The following LIPN variants were observed in gnomAD, a reference collection of about 807,000 sequenced individuals.
LIPN encodes lipase member N.
A neutral mutation model predicts 43.7 loss-of-function variants in LIPN; 32 were observed. That is an observed-to-expected ratio of 0.73 (90% CI 0.55 to 0.98). The LOEUF (loss-of-function observed/expected upper bound fraction) is 0.98. Among genes scored for constraint, LIPN ranks in the 50% least tolerant of loss-of-function variants. The probability of loss-of-function intolerance (pLI) is 0.00; values close to 1 mark genes in which losing one functional copy is unlikely to be tolerated. For missense variants in LIPN, 505 were observed against 483.8 expected, an observed-to-expected ratio of 1.04 and a Z score of -0.41; for synonymous variants, 156 against 157.6, an observed-to-expected ratio of 0.99 and a Z score of 0.08.
intron 5 of LIPN, among the ~76,000 whole-genome samples, chr10:88,768,391 C>T (rs1226961306): frequency 6.6e-6 from 1 of 151,886 alleles, no homozygotes; most frequent in Non-Finnish European, 1.5e-5. Context: ...AATCAATTCA[C>T]CTCCTGTGAC....
In LIPN at chr10:88,778,923, C is replaced by T. The variant is rs766713056; in HGVS notation, c.*681C>T. Among the ~76,000 whole-genome samples, 4 of 152,112 alleles carry T rather than the reference C, an allele frequency of 2.6e-5. No homozygotes were observed. The highest frequency in any genetic ancestry group is 4.4e-5 in the Non-Finnish European group (3 of 67,998). Reference sequence around the variant, plus strand: ...ATATCATTTTATAATCATAGGGAGGCTTCTTTGTTTAGCATGTAATGCCCC... The same window carrying T: ...ATATCATTTTATAATCATAGGGAGGTTTCTTTGTTTAGCATGTAATGCCCC... On this transcript the variant is annotated 3_prime_UTR_variant, in exon 10 of 10. Transcript: ENST00000404459.
chr10:88,761,839 A>T (rs192287545), intron 2 of LIPN, among the ~76,000 whole-genome samples: 2 of 151,858 alleles, frequency 1.3e-5, no homozygotes, highest in African/African-American at 4.8e-5. Context: ...TGTTTTAAGA[A>T]TATCAAGCTA....
intron 9 of LIPN, 61 bp downstream of exon 9, chr10:88,775,224 T>C: frequency 8.0e-7 from 1 of 1,253,798 alleles, no homozygotes. Flanking sequence ...AAAAATTATT[T>C]GAGGGTGGAA....
chr10:88,764,365 C>T (rs1843052802), intron 3 of LIPN, 45 bp from the exon 4 acceptor site: 1 of 1,441,446 alleles, frequency 6.9e-7, no homozygotes, highest in Non-Finnish European at 9.6e-7. Flanking sequence ...TTCTCTCTCT[C>T]TCTTTCTCTT....
At chr10:88,762,012 T>C (rs968824533) in intron 2 of LIPN, among the ~76,000 whole-genome samples, 176 bp from the exon 3 acceptor site, 27 of 152,100 alleles carry the variant, frequency 1.8e-4, no homozygotes, top group African/African-American at 6.5e-4. Flanking sequence ...CAATAGTAGA[T>C]ATTTTTTAAA....
chr10:88,762,082 A>C (rs1843010348), intron 2 of LIPN, 106 bp from the exon 3 acceptor site: 1 of 524,176 alleles, frequency 1.9e-6, no homozygotes. Flanking sequence ...TGGTGCTACA[A>C]ATTTCAGATA....
chr10:88,758,213 A>G (rs796681302), upstream of LIPN, among the ~76,000 whole-genome samples: 10 of 152,216 alleles, frequency 6.6e-5, 1 homozygote, highest in African/African-American at 2.4e-4. Context: ...ATGTTCAACC[A>G]TGTGTGTTCC....
chr10:88,758,437 G>A (rs1842953587), upstream of LIPN, among the ~76,000 whole-genome samples: 1 of 150,120 alleles, frequency 6.7e-6, no homozygotes, highest in Non-Finnish European at 1.5e-5. Context: ...CAGGGCCAAG[G>A]AACAAGTTTT....
At chr10:88,775,010 A>G (rs1177177225) in intron 8 of LIPN, 82 bp from the exon 9 acceptor site, 3 of 885,290 alleles carry the variant, frequency 3.4e-6, no homozygotes, top group Non-Finnish European at 5.4e-6. Context: ...TCGTCCTAGC[A>G]TACAGCATTT....
chr10:88,773,557 T>A (rs1225427155), intron 7 of LIPN, among the ~76,000 whole-genome samples: 1 of 151,824 alleles, frequency 6.6e-6, no homozygotes, highest in Non-Finnish European at 1.5e-5. Flanking sequence ...TCCTGTTTTA[T>A]CACCTCTTCA....
chr10:88,767,083 T>C (rs796173020), intron 5 of LIPN, among the ~76,000 whole-genome samples: 48 of 152,068 alleles, frequency 3.2e-4, no homozygotes, highest in African/African-American at 1.0e-3. Context: ...AAGTAAAAGT[T>C]GAAAGGAACC....
At chr10:88,762,156 G>A (rs757609419) in intron 2 of LIPN, 32 bp from the exon 3 acceptor site, 1 of 1,128,544 alleles carries the variant, frequency 8.9e-7, no homozygotes, top group South Asian at 1.3e-5. Flanking sequence ...CTTTGGAGAA[G>A]TTCCACTAAC....
intron 2 of LIPN, 76 bp from the exon 3 acceptor site, chr10:88,762,112 C>T (rs963160459): frequency 1.6e-5 from 12 of 731,678 alleles, no homozygotes; most frequent in Non-Finnish European, 2.1e-5. Flanking sequence ...AATAAGCACA[C>T]AACAGATGGT....
chr10:88,759,077 G>T (rs150323481), upstream of LIPN, among the ~76,000 whole-genome samples: 37 of 152,246 alleles, frequency 2.4e-4, no homozygotes, highest in East Asian at 6.0e-3. Flanking sequence ...AAGACTAAAT[G>T]ATTAAGGAGT....
intron 9 of LIPN, among the ~76,000 whole-genome samples, chr10:88,777,323 G>C (rs1843311630): frequency 6.6e-6 from 1 of 151,850 alleles, no homozygotes; most frequent in Admixed American, 6.6e-5. Flanking sequence ...ATTCCCCAAG[G>C]ATTCTTCAAA....
chr10:88,761,812 C>T (rs921755249), intron 2 of LIPN, among the ~76,000 whole-genome samples: 1 of 150,524 alleles, frequency 6.6e-6, no homozygotes, highest in Non-Finnish European at 1.5e-5. Flanking sequence ...TAGATAGAAC[C>T]TCCTCTTTTG....
intron 7 of LIPN, among the ~76,000 whole-genome samples, chr10:88,772,518 G>T (rs1291795743): frequency 6.6e-6 from 1 of 151,750 alleles, no homozygotes; most frequent in African/African-American, 2.4e-5. Flanking sequence ...ATTGTCCTTT[G>T]CCCAATGTAT....
At chr10:88,775,041 T>G in intron 8 of LIPN, 51 bp from the exon 9 acceptor site, 1 of 1,284,658 alleles carries the variant, frequency 7.8e-7, no homozygotes, top group Non-Finnish European at 1.1e-6. Flanking sequence ...TGCTGTTAGC[T>G]TTCATGATTC....
chr10:88,776,652 T>C (rs1372358344), intron 9 of LIPN, among the ~76,000 whole-genome samples: 1 of 152,146 alleles, frequency 6.6e-6, no homozygotes, highest in East Asian at 1.9e-4. Context: ...TATAAGAGAA[T>C]TAACCCATGT....
Sources: allele counts gnomAD v4.1 joint callset (sites outside exome capture counted in the v4.1 genomes callset), GRCh38; gene constraint gnomAD v4.1.1; transcripts MANE v1.5; gene names NCBI Gene and HGNC (gene_info 2026-07-23, HGNC 2026-07-21).